Variants in SULF2 observed in about 807,000 individuals in gnomAD.
SULF2 encodes the protein sulfatase 2, also known as extracellular sulfatase Sulf-2.
In SULF2, 52 loss-of-function variants were observed where a neutral mutation model predicts 107.7. The ratio of observed to expected loss-of-function variants is 0.48; its 90% CI spans 0.39 to 0.61. SULF2 has a LOEUF of 0.61. Ranked by LOEUF, SULF2 falls within the 20% of genes least tolerant of loss-of-function variation. SULF2 has a pLI of 0.00. For missense variants in SULF2, 993 were observed against 1,177.3 expected, an observed-to-expected ratio of 0.84 and a Z score of 2.29; for synonymous variants, 460 against 464.3, an observed-to-expected ratio of 0.99 and a Z score of 0.12.
intron 2 of SULF2, among the ~76,000 whole-genome samples, chr20:47,737,755 G>GTTTTTTTTTTTT (rs11484375): frequency 1.6e-5 from 1 of 61,836 alleles, no homozygotes; most frequent in African/African-American, 6.3e-5. Context: ...TCTTTTCTTT[G>GTTTTTTTTTTTT]TTTTTTTTTT....
Position 47,665,846 on chromosome 20 carries a change from T to G in SULF2, c.1902+11A>C. 1 of 1,612,646 alleles carries G rather than the reference T, an allele frequency of 6.2e-7. No homozygotes were observed. The highest frequency in any genetic ancestry group is 8.5e-7 in the Non-Finnish European group (1 of 1,178,926). ...GGCCGAGAGCATGCTCCTCTCCCGC[T>G]CTCCACTCACCTCGTGGTCGATGTG... On this transcript the variant is annotated intron_variant, in intron 13 of 20. Coordinates refer to ENST00000688720, the MANE Select transcript of SULF2 (RefSeq NM_001387048.1).
At chr20:47,662,973 G>A in intron 17 of SULF2, 97 bp downstream of exon 17, 1 of 1,406,634 alleles carries the variant, frequency 7.1e-7, no homozygotes, top group Non-Finnish European at 9.8e-7. Flanking sequence ...AGTGGGACTT[G>A]GACAATTTGT....
intron 2 of SULF2, among the ~76,000 whole-genome samples, chr20:47,752,774 A>C (rs1000555871): frequency 3.3e-5 from 5 of 151,930 alleles, no homozygotes; most frequent in African/African-American, 1.2e-4. Flanking sequence ...AAATAAAAAT[A>C]AAGATGTTCT....
rs960833119 is a variant in SULF2 at position 47,684,482 on chromosome 20, G to A, written c.837C>T (p.Leu279=). The A allele has an allele frequency of 6.2e-7, 1 of 1,613,932 alleles. No homozygotes were observed. The highest frequency in any genetic ancestry group is 1.7e-5 in the Admixed American group (1 of 59,994). The stretch of plus-strand genomic sequence containing the variant: ...TGAGGGTCTGCAAGCGCTTCCGCTG[G>A]AGCATGTTGGTGAATTCCATGTGGA... ...KPIHMEFTNM[L]QRKRLQTLMS... Residue 279 remains leucine, a synonymous_variant, in exon 6 of 21, where the codon CTC becomes CTT. Transcript: ENST00000688720.
In SULF2 at chr20:47,663,105, G is replaced by C; in HGVS notation, c.2335C>G (p.Leu779Val). 6.2e-7 allele frequency: 1 copy of C among 1,614,144 alleles called. No individual in the cohort carries two copies. The highest frequency in any genetic ancestry group is 8.5e-7 in the Non-Finnish European group (1 of 1,180,018). The change falls in exon 17 of 21, where the codon CTA becomes GTA. Residue 779 changes from leucine to valine, a missense_variant. Coordinates refer to ENST00000688720, the MANE Select transcript of SULF2 (RefSeq NM_001387048.1). ...TCTGTGTTGAGATCAAAGTACTCTA[G>C]GAAGCCAGTTGCAAATTCACAGAAG... is the stretch of plus-strand genomic sequence containing the variant. ...FLFCEFATGFLEYFDLNTDPY... is the reference protein window; with the variant it reads ...FLFCEFATGFVEYFDLNTDPY...
Position 47,665,973 on chromosome 20 carries a change from A to G in SULF2, c.1806-20T>C. 6.2e-7 allele frequency: 1 copy of G among 1,612,258 alleles called. No individual in the cohort carries two copies. The highest frequency in any genetic ancestry group is 1.1e-5 in the South Asian group (1 of 91,046). On this transcript the variant is annotated intron_variant, in intron 12 of 20. Coordinates refer to ENST00000688720, the MANE Select transcript of SULF2 (RefSeq NM_001387048.1). ...TAGCACCTGCTTGAGAGAAGGGATC[A>G]CGTGTGGCTCGGAGGTGGTGGAGGG...
Position 47,766,949 on chromosome 20 carries a change from G to T in SULF2, c.-100-9486C>A, listed in dbSNP as rs1275182554. The stretch of plus-strand genomic sequence containing the variant: ...GCTTTGTACTGTTTCATGATCAGTA[G>T]AAAAAAAAAAAAAGAACAGACAAAA... On this transcript the variant is annotated intron_variant, in intron 1 of 20. Coordinates refer to ENST00000688720, the MANE Select transcript of SULF2 (RefSeq NM_001387048.1). 1.6e-4 allele frequency among the ~76,000 whole-genome samples: 23 copies of T among 140,340 alleles called. 1 individual carries two copies. The East Asian group carries it at 4.6e-3, about 28-fold the overall frequency. The allele number at this position is 140,340 out of a possible 152,430, so 92.1% of individuals were successfully genotyped here. A position where few individuals can be genotyped will look rare whatever the true frequency, so the allele number is the denominator to read the frequency against.
At chr20:47,721,633 G>C (rs933707748) in intron 3 of SULF2, among the ~76,000 whole-genome samples, 2 of 152,220 alleles carry the variant, frequency 1.3e-5, no homozygotes, top group Non-Finnish European at 2.9e-5. Context: ...GCCTCCCAAA[G>C]TGCTGGGATT....
chr20:47,731,187 C>A (rs6125092), intron 3 of SULF2, among the ~76,000 whole-genome samples: 35 of 81,150 alleles, frequency 4.3e-4, no homozygotes, highest in African/African-American at 2.2e-3. Context: ...TGTATCTTCT[C>A]TTTTTTTTTT....
At chr20:47,723,830 T>C (rs2089363475) in intron 3 of SULF2, among the ~76,000 whole-genome samples, 1 of 152,224 alleles carries the variant, frequency 6.6e-6, no homozygotes, top group South Asian at 2.1e-4. Flanking sequence ...CATATTATAA[T>C]GTGATAATAT....
chr20:47,735,118 C>T (rs1568876620), intron 3 of SULF2, among the ~76,000 whole-genome samples: 1 of 152,078 alleles, frequency 6.6e-6, no homozygotes, highest in Non-Finnish European at 1.5e-5. Flanking sequence ...CCACAAACAC[C>T]TCACTTTGAC....
At chr20:47,750,123 A>C (rs2090129474) in intron 2 of SULF2, among the ~76,000 whole-genome samples, 1 of 152,214 alleles carries the variant, frequency 6.6e-6, no homozygotes, top group South Asian at 2.1e-4. Flanking sequence ...CTGGGACTAT[A>C]GGCGTGTGCC....
chr20:47,705,237 C>T (rs2088692627), intron 3 of SULF2, among the ~76,000 whole-genome samples: 1 of 152,104 alleles, frequency 6.6e-6, no homozygotes, highest in South Asian at 2.1e-4. Flanking sequence ...GGGAGGATCC[C>T]CCAGCAGCCT....
chr20:47,702,757 C>G (rs2088614065), intron 3 of SULF2, 87 bp from the exon 4 acceptor site: 1 of 1,296,406 alleles, frequency 7.7e-7, no homozygotes, highest in Admixed American at 2.0e-5. Flanking sequence ...CCTGAGCATG[C>G]ACACCTGCTC....
At chr20:47,719,614 T>C (rs1217133884) in intron 3 of SULF2, among the ~76,000 whole-genome samples, 3 of 152,220 alleles carry the variant, frequency 2.0e-5, no homozygotes, top group Admixed American at 2.0e-4. Context: ...GGGACTGAAG[T>C]ACCCTCAACT....
At position 47,663,625 on chromosome 20, in the gene SULF2, A is replaced by G. The variant is rs752550064; in HGVS notation, c.2058-3T>C. ...TGTCCTTCTCTTGCAGGCCCTTCCT[A>G]TGGGCGCAGAGGGCCACACACACCT... On this transcript the variant is annotated splice_polypyrimidine_tract_variant and splice_region_variant and intron_variant, in intron 15 of 20. Transcript: ENST00000688720. 4.1e-5 allele frequency: 65 copies of G among 1,577,634 alleles called. No individual in the cohort carries two copies. In the East Asian group the frequency reaches 1.4e-3, roughly 33 times the overall value.
intron 2 of SULF2, among the ~76,000 whole-genome samples, chr20:47,741,037 C>T (rs751653954): frequency 1.4e-4 from 22 of 152,142 alleles, no homozygotes; most frequent in Non-Finnish European, 2.8e-4. Flanking sequence ...ACGATCGTAC[C>T]CTTGCCACCT....
chr20:47,698,624 C>T (rs2088463662), intron 4 of SULF2, among the ~76,000 whole-genome samples: 2 of 152,134 alleles, frequency 1.3e-5, no homozygotes, highest in South Asian at 4.1e-4. Flanking sequence ...TGCCTGATAC[C>T]CCTATAGCTG....
rs74328720 is a variant in SULF2, at chr20:47,689,900, G to A, written c.737+226C>T. 1,289 of 380,650 alleles carry A rather than the reference G, an allele frequency of 3.4e-3. 31 individuals carry two copies. The South Asian group carries it at 0.062, about 18-fold the overall frequency. The allele number at this position is 380,650 out of a possible 1,614,324, so 23.6% of individuals were successfully genotyped here. ...TCCACACACCTCTTGGTGGGAGGCC[G>A]TGTATCCCAAGTTAAAAATTCTCCT... is the stretch of plus-strand genomic sequence containing the variant. On this transcript the variant is annotated intron_variant, in intron 5 of 20. Transcript: ENST00000688720.
Sources: gnomAD v4.1 joint callset for allele counts (sites outside exome capture counted in the v4.1 genomes callset) on GRCh38, gnomAD v4.1.1 for gene constraint, MANE v1.5 for transcripts, NCBI Gene and HGNC (gene_info 2026-07-23, HGNC 2026-07-21) for gene names.